The following NWD1 variants were observed in gnomAD, a reference collection of about 807,000 sequenced individuals.
The protein encoded by NWD1 is NACHT and WD repeat domain containing 1.
Under a neutral mutation model 135.1 loss-of-function variants are expected in NWD1, and 129 were observed. The ratio of observed to expected loss-of-function variants is 0.96; its 90% confidence interval spans 0.83 to 1.11. The LOEUF (loss-of-function observed/expected upper bound fraction) is 1.11, where lower values mean the gene tolerates loss of function less well. Among genes scored for constraint, NWD1 ranks in the 50% least tolerant of loss-of-function variants. NWD1 has a pLI of 0.00. For synonymous variants in NWD1, 773 were observed against 786.0 expected, an observed-to-expected ratio of 0.98 and a Z score of 0.28; for missense variants, 1,740 against 1,851.3, an observed-to-expected ratio of 0.94 and a Z score of 1.10.
intron 17 of NWD1, among the ~76,000 whole-genome samples, chr19:16,803,597 C>T (rs1270701274): frequency 3.3e-5 from 5 of 151,872 alleles, no homozygotes; most frequent in African/African-American, 7.3e-5. Context: ...GTCCATAACA[C>T]GCCTATAACT....
chr19:16,725,313 AT>A (rs879497787), intron 2 of NWD1, among the ~76,000 whole-genome samples: 198 of 145,090 alleles, frequency 1.4e-3, no homozygotes, highest in Middle Eastern at 3.6e-3. Context: ...CTCTACACAA[AT>A]TTTTTTTTTT....
chr19:16,747,596 C>T (rs1177761052), intron 5 of NWD1, among the ~76,000 whole-genome samples: 1 of 151,924 alleles, frequency 6.6e-6, no homozygotes, highest in Non-Finnish European at 1.5e-5. Flanking sequence ...TGGTCTCGAA[C>T]TCCTGAGCTC....
In NWD1 at chr19:16,750,251, A is replaced by C. The variant is rs1968519692; in HGVS notation, c.1609A>C (p.Arg537=). ...AGAGTGTGGGAACCCAGGGCGGCTGAGGCTGGCGTTTGAGGAAGCCCGGAA... is the reference window on the plus strand; with the variant it reads ...AGAGTGTGGGAACCCAGGGCGGCTGCGGCTGGCGTTTGAGGAAGCCCGGAA... ...LPECGNPGRL[R]LAFEEARKWA... The change falls in exon 6 of 19, where the codon AGG becomes CGG. Residue 537 remains arginine (R), a synonymous_variant. Coordinates refer to ENST00000524140, the MANE Select transcript of NWD1 (RefSeq NM_001007525.5). 2 of 1,613,448 alleles carry C rather than the reference A, an allele frequency of 1.2e-6. No individual in the cohort carries two copies. Among genetic ancestry groups the C allele is most frequent in the African/African-American group, 2.7e-5 (2 of 74,884 alleles).
chr19:16,809,546 T>TC (rs1381359919), intron 18 of NWD1, among the ~76,000 whole-genome samples: 1 of 138,792 alleles, frequency 7.2e-6, no homozygotes, highest in Non-Finnish European at 1.5e-5. Flanking sequence ...TTTTTTTTTT[T>TC]CTTTTTCTTT....
intron 1 of NWD1, among the ~76,000 whole-genome samples, chr19:16,721,902 A>C (rs563969459): frequency 6.6e-6 from 1 of 151,968 alleles, no homozygotes; most frequent in Non-Finnish European, 1.5e-5. Flanking sequence ...CTTGAGGCCA[A>C]GAGTTCAAGA....
intron 15 of NWD1, among the ~76,000 whole-genome samples, chr19:16,795,225 A>G (rs1970380006): frequency 1.3e-5 from 2 of 152,118 alleles, no homozygotes; most frequent in Non-Finnish European, 2.9e-5. Flanking sequence ...ACGACTGAGC[A>G]CTCAGCCCCT....
intron 11 of NWD1, among the ~76,000 whole-genome samples, chr19:16,774,013 C>T (rs1435454146): frequency 6.8e-6 from 1 of 146,814 alleles, no homozygotes; most frequent in Non-Finnish European, 1.5e-5. Context: ...CAATTACCCT[C>T]CCATCCATTC....
At chr19:16,788,943 C>T in intron 12 of NWD1, 39 bp from the exon 13 acceptor site, 1 of 1,486,964 alleles carries the variant, frequency 6.7e-7, no homozygotes, top group Non-Finnish European at 9.4e-7. Context: ...CCAAAATGTT[C>T]CCAGCTAATA....
chr19:16,730,046 G>A (rs889285381), intron 2 of NWD1, among the ~76,000 whole-genome samples: 1 of 152,056 alleles, frequency 6.6e-6, no homozygotes, highest in Admixed American at 6.6e-5. Flanking sequence ...TTTATGGGCC[G>A]GGCGCAGTGG....
Position 16,749,958 on chromosome 19 carries a change from T to G in NWD1, c.1316T>G (p.Met439Arg). 1 of 1,613,834 alleles carries G rather than the reference T, an allele frequency of 6.2e-7. No homozygotes were observed. Among genetic ancestry groups the G allele is most frequent in the Non-Finnish European group, 8.5e-7 (1 of 1,180,020 alleles). The change falls in exon 6 of 19, where the codon ATG becomes AGG. Residue 439 changes from methionine to arginine, a missense_variant. Coordinates refer to ENST00000524140, the MANE Select transcript of NWD1 (RefSeq NM_001007525.5). Reference protein sequence around the residue: ...FESLVLLLDAMDDLDSVRHAR... With the variant: ...FESLVLLLDARDDLDSVRHAR... ...TCTCTCGTGCTCCTGCTGGATGCTATGGATGACCTGGACTCTGTCCGCCAT... is the reference window on the plus strand; with the variant it reads ...TCTCTCGTGCTCCTGCTGGATGCTAGGGATGACCTGGACTCTGTCCGCCAT...
chr19:16,749,369 C>CGTGGA lies in NWD1; in HGVS notation c.728_729insTGGAG (p.Leu244GlyfsTer10). ...GCACCCAGGGGTCCTCAAGACCCAC[C>CGTGGA]GCCTGCCGTGGAGCCGCGACTTGGT... is the stretch of plus-strand genomic sequence containing the variant. On this transcript the variant is annotated frameshift_variant, in exon 6 of 19. Coordinates refer to ENST00000524140, the MANE Select transcript of NWD1 (RefSeq NM_001007525.5). LOFTEE classifies it high-confidence loss of function. 6.2e-7 allele frequency: 1 copy of CGTGGA among 1,613,606 alleles called. No homozygotes were observed. Among genetic ancestry groups the CGTGGA allele is most frequent in the Non-Finnish European group, 8.5e-7 (1 of 1,179,680 alleles).
chr19:16,734,033 A>G (rs28504268), intron 3 of NWD1, among the ~76,000 whole-genome samples: 55,924 of 151,816 alleles, frequency 0.37, 11,809 homozygotes, highest in African/African-American at 0.57. Flanking sequence ...CCAGCCTTCC[A>G]CAGGGTCAGC....
At position 16,808,010 on chromosome 19, in the gene NWD1, C is replaced by T; in HGVS notation, c.4161C>T (p.His1387=). 1.2e-6 allele frequency: 2 copies of T among 1,614,148 alleles called. No homozygotes were observed. The highest frequency in any genetic ancestry group is 1.7e-6 in the Non-Finnish European group (2 of 1,180,028). ...ATSKAFPLET[H]RSRVACVEVS... ...CCAAAGCGTTTCCCTTGGAGACCCACAGGAGCCGAGTTGCCTGTGTGGAGG... is the reference window on the plus strand; with the variant it reads ...CCAAAGCGTTTCCCTTGGAGACCCATAGGAGCCGAGTTGCCTGTGTGGAGG... Residue 1387 remains histidine, a synonymous_variant, in exon 18 of 19, where the codon CAC becomes CAT. Transcript: ENST00000524140.
rs1473959361 is a variant in NWD1 at position 16,769,993 on chromosome 19, AC to A, written c.2411-3129del. On this transcript the variant is annotated intron_variant, in intron 10 of 18. Transcript: ENST00000524140. ...GCTGGGACCACAGGTGCACACCACC[AC>A]CCCTGGCTTGTCTTTGCCTTTAATT... Among the ~76,000 whole-genome samples the A allele has an allele frequency of 7.3e-5, 11 of 150,936 alleles. No individual in the cohort carries two copies. The East Asian group carries it at 2.2e-3, about 30-fold the overall frequency.
At chr19:16,794,605 T>G (rs1970360116) in intron 15 of NWD1, 52 bp downstream of exon 15, 1 of 1,265,342 alleles carries the variant, frequency 7.9e-7, no homozygotes, top group Admixed American at 1.9e-5. Context: ...AGGATCAGGT[T>G]GGAGAAGGGG....
chr19:16,762,201 T>C (rs1969044314), intron 8 of NWD1, 63 bp downstream of exon 8: 8 of 1,483,374 alleles, frequency 5.4e-6, no homozygotes, highest in Non-Finnish European at 7.4e-6. Context: ...ATTGCTCACC[T>C]CCTTCCTTCC....
At chr19:16,786,085 G>GA (rs1249305487) in intron 12 of NWD1, among the ~76,000 whole-genome samples, 2 of 152,018 alleles carry the variant, frequency 1.3e-5, no homozygotes, top group Non-Finnish European at 2.9e-5. Context: ...GGCTAGTCTC[G>GA]AACCCCTGAC....
chr19:16,805,027 A>ATTTATT (rs560282521), intron 17 of NWD1, among the ~76,000 whole-genome samples: 1 of 150,820 alleles, frequency 6.6e-6, no homozygotes, highest in Non-Finnish European at 1.5e-5. Context: ...TTATTTATTT[A>ATTTATT]TTTATTTTTA....
chr19:16,781,009 G>A (rs1347318934), intron 12 of NWD1, among the ~76,000 whole-genome samples: 2 of 152,160 alleles, frequency 1.3e-5, no homozygotes, highest in African/African-American at 2.4e-5. Context: ...TGCCAAGGAT[G>A]TGGATCAGTA....
Sources: gnomAD v4.1 joint callset for allele counts (sites outside exome capture counted in the v4.1 genomes callset) on GRCh38, gnomAD v4.1.1 for gene constraint, MANE v1.5 for transcripts, NCBI Gene and HGNC (gene_info 2026-07-23, HGNC 2026-07-21) for gene names.